YAP1: variants seen among roughly 807,000 people sequenced by gnomAD.
The protein encoded by YAP1 is Yes1 associated transcriptional regulator, also known as transcriptional coactivator YAP1.
A neutral mutation model predicts 56.9 loss-of-function variants in YAP1; 5 were observed. That is an observed-to-expected ratio of 0.09 (90% CI 0.05 to 0.18). The LOEUF (loss-of-function observed/expected upper bound fraction) is 0.18, where lower values mean the gene tolerates loss of function less well. Ranked by LOEUF, YAP1 falls within the 10% of genes least tolerant of loss-of-function variation. The pLI, the probability that YAP1 is intolerant of heterozygous loss-of-function variation, is 1.00. For synonymous variants in YAP1, 265 were observed against 248.1 expected, an observed-to-expected ratio of 1.07 and a Z score of -0.64; for missense variants, 539 against 651.8, an observed-to-expected ratio of 0.83 and a Z score of 1.88.
intron 1 of YAP1, chr11:102,112,365 G>A (rs1942993800): frequency 1.0e-6 from 1 of 961,102 alleles, no homozygotes; most frequent in Non-Finnish European, 1.2e-6. Flanking sequence ...ATTCCAATAG[G>A]TCCCAGTGGA....
At chr11:102,121,131 A>G (rs1943622774) in intron 2 of YAP1, among the ~76,000 whole-genome samples, 2 of 152,184 alleles carry the variant, frequency 1.3e-5, no homozygotes, top group African/African-American at 2.4e-5. Flanking sequence ...AAATATTAAA[A>G]TGGAGAATTC....
chr11:102,184,273 G>T (rs1947826433), intron 3 of YAP1, among the ~76,000 whole-genome samples: 1 of 152,186 alleles, frequency 6.6e-6, no homozygotes, highest in Non-Finnish European at 1.5e-5. Flanking sequence ...TACAGTTAAA[G>T]ATAGTAGCAA....
At chr11:102,208,815 T>C (rs1446956204) in intron 5 of YAP1, among the ~76,000 whole-genome samples, 1 of 152,190 alleles carries the variant, frequency 6.6e-6, no homozygotes, top group Non-Finnish European at 1.5e-5. Flanking sequence ...CCATACTGTT[T>C]TTAAGATAAT....
rs2135114890 is a variant in YAP1 at position 102,114,402 on chromosome 11, A to G, written c.572+8A>G. 6.2e-7 allele frequency: 1 copy of G among 1,605,250 alleles called. No homozygotes were observed. The highest frequency in any genetic ancestry group is 8.5e-7 in the Non-Finnish European group (1 of 1,172,258). ...TCAGAGATACTTCTTAAAGTAAGTGAAAATAATGGTGGGAGACAGTTATCT... is the reference window on the plus strand; with the variant it reads ...TCAGAGATACTTCTTAAAGTAAGTGGAAATAATGGTGGGAGACAGTTATCT... On this transcript the variant is annotated splice_region_variant and intron_variant, in intron 2 of 8. Transcript: ENST00000282441.
intron 3 of YAP1, among the ~76,000 whole-genome samples, chr11:102,164,121 T>C (rs1304188979): frequency 1.3e-5 from 2 of 151,380 alleles, no homozygotes; most frequent in Non-Finnish European, 2.9e-5. Context: ...CACTGCAACC[T>C]CTGCCTCCCA....
intron 2 of YAP1, among the ~76,000 whole-genome samples, chr11:102,148,487 C>T (rs774202504): frequency 5.3e-5 from 8 of 152,186 alleles, no homozygotes; most frequent in South Asian, 2.1e-4. Context: ...TCAATAAATC[C>T]CGTGTACTTA....
intron 3 of YAP1, among the ~76,000 whole-genome samples, chr11:102,164,974 C>T (rs1042538761): frequency 1.1e-4 from 16 of 152,062 alleles, no homozygotes; most frequent in African/African-American, 3.1e-4. Flanking sequence ...CGCCTGTCTT[C>T]GGCCTCCCAA....
chr11:102,205,154 A>AG (rs1565266624), intron 4 of YAP1, among the ~76,000 whole-genome samples: 1 of 114,626 alleles, frequency 8.7e-6, no homozygotes, highest in African/African-American at 2.7e-5. Context: ...TTCAAAAAAA[A>AG]ATTTTTTTTT....
chr11:102,202,380 C>T (rs1235179580), intron 4 of YAP1, among the ~76,000 whole-genome samples: 2 of 149,844 alleles, frequency 1.3e-5, no homozygotes, highest in Non-Finnish European at 3.0e-5. Context: ...GGGGTTTCAC[C>T]ATGTTAGCCC....
chr11:102,160,712 A>T (rs1230429644), intron 2 of YAP1, among the ~76,000 whole-genome samples: 3 of 152,166 alleles, frequency 2.0e-5, no homozygotes, highest in African/African-American at 7.2e-5. Context: ...GGCAGTTGCC[A>T]GTAGTACGAG....
At chr11:102,141,105 G>T (rs538917352) in intron 2 of YAP1, among the ~76,000 whole-genome samples, 17 of 152,238 alleles carry the variant, frequency 1.1e-4, no homozygotes, top group Admixed American at 5.9e-4. Flanking sequence ...TTAAGATTCA[G>T]CTCAGGTGTT....
At chr11:102,134,094 C>G (rs2135248348) in intron 2 of YAP1, among the ~76,000 whole-genome samples, 1 of 152,330 alleles carries the variant, frequency 6.6e-6, no homozygotes, top group South Asian at 2.1e-4. Flanking sequence ...GGGATTAGCA[C>G]TTCAGCGATG....
At chr11:102,223,270 AAAG>A (rs1332847857) in intron 6 of YAP1, among the ~76,000 whole-genome samples, 5 of 147,920 alleles carry the variant, frequency 3.4e-5, no homozygotes, top group African/African-American at 4.9e-5. Flanking sequence ...AAAAAAAAAA[AAAG>A]AAGAATTTTT....
intron 4 of YAP1, among the ~76,000 whole-genome samples, chr11:102,200,287 A>G (rs1409958750): frequency 1.3e-5 from 2 of 152,252 alleles, no homozygotes; most frequent in Non-Finnish European, 2.9e-5. Flanking sequence ...CATTCATCCC[A>G]TACAACAGAA....
chr11:102,117,711 T>TA (rs1439616155), intron 2 of YAP1, among the ~76,000 whole-genome samples: 3 of 152,242 alleles, frequency 2.0e-5, no homozygotes, highest in African/African-American at 7.2e-5. Flanking sequence ...TGGTGCTAGT[T>TA]ACATTTATCA....
chr11:102,172,562 G>C (rs938276684), intron 3 of YAP1, among the ~76,000 whole-genome samples: 26 of 151,074 alleles, frequency 1.7e-4, no homozygotes, highest in Non-Finnish European at 4.4e-5. Flanking sequence ...GCTTTTCTGG[G>C]GATTACATGT....
At chr11:102,142,356 G>A (rs913254504) in intron 2 of YAP1, among the ~76,000 whole-genome samples, 1 of 152,198 alleles carries the variant, frequency 6.6e-6, no homozygotes, top group African/African-American at 2.4e-5. Context: ...TATTTGTCCT[G>A]TTTGAGAAAA....
chr11:102,186,846 G>GTGTGTGTGTGTGTGTGTGTGT (rs1491073053), intron 4 of YAP1, among the ~76,000 whole-genome samples: 1 of 146,374 alleles, frequency 6.8e-6, no homozygotes, highest in Non-Finnish European at 1.5e-5. Context: ...GTGTGTGTGT[G>GTGTGTGTGTGTGTGTGTGTGT]TTTTAAACTG....
chr11:102,204,550 G>A (rs897608495), intron 4 of YAP1, among the ~76,000 whole-genome samples: 12 of 152,158 alleles, frequency 7.9e-5, no homozygotes, highest in Admixed American at 7.9e-4. Context: ...AATTCTTAAT[G>A]TATAGGATGG....
Sources: allele counts gnomAD v4.1 joint callset (sites outside exome capture counted in the v4.1 genomes callset), GRCh38; gene constraint gnomAD v4.1.1; transcripts MANE v1.5; gene names NCBI Gene and HGNC (gene_info 2026-07-23, HGNC 2026-07-21).